TAF4: variants seen among roughly 807,000 people sequenced by gnomAD.
TAF4 encodes the protein transcription initiation factor TFIID subunit 4.
TAF4 carries 9 observed loss-of-function variants against 90.3 expected under a neutral mutation model. The observed-to-expected ratio is 0.10, with a 90% CI of 0.06 to 0.17. The LOEUF (loss-of-function observed/expected upper bound fraction) is 0.17, where lower values mean the gene tolerates loss of function less well. Among genes scored for constraint, TAF4 ranks in the 10% least tolerant of loss-of-function variants. TAF4 has a pLI of 1.00. For synonymous variants in TAF4, 818 were observed against 638.9 expected (o/e 1.28, Z -4.23); for missense variants, 1,351 against 1,370.7 (o/e 0.99, Z 0.23).
rs544070178 is a variant in TAF4 at position 62,025,096 on chromosome 20, CCTCT to C, written c.1361-10393_1361-10390del. Among the ~76,000 whole-genome samples the C allele has an allele frequency of 3.3e-4, 51 of 152,262 alleles. 1 individual carries two copies. The highest frequency in any genetic ancestry group is 3.4e-3 in the Middle Eastern group (1 of 292). On this transcript the variant is annotated intron_variant, in intron 1 of 14. Coordinates refer to ENST00000252996, the MANE Select transcript of TAF4 (RefSeq NM_003185.4). ...AGCTCCTGGGCACCACTGGTGGGAG[CCTCT>C]CTGACAACAGCCCTGCAGTTTTGTA...
At chr20:62,036,547 C>T (rs959033869) in intron 1 of TAF4, among the ~76,000 whole-genome samples, 1 of 152,158 alleles carries the variant, frequency 6.6e-6, no homozygotes, top group Non-Finnish European at 1.5e-5. Flanking sequence ...TGAACCTACA[C>T]ACCAAACTGT....
chr20:62,007,346 G>A (rs1323752345), intron 6 of TAF4, among the ~76,000 whole-genome samples: 1 of 152,192 alleles, frequency 6.6e-6, no homozygotes, highest in Non-Finnish European at 1.5e-5. Context: ...CAAGGCCACC[G>A]TGTCAGGGGA....
At chr20:62,020,239 G>C (rs1265846730) in intron 1 of TAF4, among the ~76,000 whole-genome samples, 1 of 152,202 alleles carries the variant, frequency 6.6e-6, no homozygotes, top group Non-Finnish European at 1.5e-5. Flanking sequence ...CCCTCCCAAC[G>C]CACAGGACAG....
chr20:61,991,409 G>C (rs1235378227), intron 14 of TAF4, among the ~76,000 whole-genome samples: 1 of 151,688 alleles, frequency 6.6e-6, no homozygotes, highest in Admixed American at 6.6e-5. Flanking sequence ...GGGTGACAGA[G>C]GGAGACTCTG....
At position 62,064,949 on chromosome 20, in the gene TAF4, C is replaced by A. The variant is rs1600870078; in HGVS notation, c.862G>T (p.Ala288Ser). The change falls in exon 1 of 15, where the codon GCC becomes TCC. Residue 288 changes from alanine (A) to serine (S), a missense_variant. Physicochemically the swap from Ala to Ser is moderately conservative, Grantham distance 99. Transcript: ENST00000252996. ...ATLARPPGHP[A>S]GPPTAAPAVP... ...GCGGGCGCGGCGGTCGGGGGTCCGG[C>A]GGGGTGGCCGGGCGGCCGGGCCAGA... 2.3e-6 allele frequency: 1 copy of A among 444,302 alleles called. No individual in the cohort carries two copies. The highest frequency in any genetic ancestry group is 2.8e-6 in the Non-Finnish European group (1 of 363,120). 27.5% of individuals were successfully genotyped at this position (444,302 alleles called of 1,614,324 possible). A position where few individuals can be genotyped will look rare whatever the true frequency, so the allele number is the denominator to read the frequency against.
chr20:62,063,835 C>T (rs2056104388), intron 1 of TAF4, among the ~76,000 whole-genome samples: 1 of 152,268 alleles, frequency 6.6e-6, no homozygotes, highest in South Asian at 2.1e-4. Context: ...ATGCGCCTGA[C>T]ATCTCTCCCT....
chr20:62,053,923 G>C (rs1263742833), intron 1 of TAF4, among the ~76,000 whole-genome samples: 1 of 152,250 alleles, frequency 6.6e-6, no homozygotes, highest in African/African-American at 2.4e-5. Context: ...AGGACTGCAG[G>C]GACTGACGGA....
At position 62,003,770 on chromosome 20, in the gene TAF4, T is replaced by G. The variant is rs779951601; in HGVS notation, c.2332A>C (p.Thr778Pro). The change falls in exon 8 of 15, where the codon ACC (threonine) becomes CCC (proline). Residue 778 changes from threonine to proline, a missense_variant. Transcript: ENST00000252996. ...TTCAGCTGGATCTGCTGAGGCGTGG[T>G]GAGCATGATCCGGTTGTGAGGCTGC... is the stretch of plus-strand genomic sequence containing the variant. ...LRQPHNRIML[T>P]TPQQIQLNPL... 10 of 1,607,870 alleles carry G rather than the reference T, an allele frequency of 6.2e-6. No homozygotes were observed. Among genetic ancestry groups the G allele is most frequent in the Non-Finnish European group, 7.6e-6 (9 of 1,179,346 alleles).
intron 14 of TAF4, among the ~76,000 whole-genome samples, chr20:61,985,832 A>G (rs1388273950): frequency 6.6e-6 from 1 of 151,906 alleles, no homozygotes; most frequent in African/African-American, 2.4e-5. Context: ...GGATGCAGGG[A>G]CACCCCAGGA....
At chr20:61,997,200 C>T (rs1034627807) in intron 14 of TAF4, among the ~76,000 whole-genome samples, 1 of 152,202 alleles carries the variant, frequency 6.6e-6, no homozygotes, top group African/African-American at 2.4e-5. Flanking sequence ...CATTCTCCTA[C>T]AGCAGCTTAT....
At chr20:61,987,269 G>A (rs1600827815) in intron 14 of TAF4, among the ~76,000 whole-genome samples, 1 of 152,230 alleles carries the variant, frequency 6.6e-6, no homozygotes, top group Admixed American at 6.5e-5. Flanking sequence ...GCACGTCAAG[G>A]CCATCAAAGA....
chr20:61,988,265 G>C (rs1031415517), intron 14 of TAF4, among the ~76,000 whole-genome samples: 2 of 90,828 alleles, frequency 2.2e-5, no homozygotes, highest in African/African-American at 7.2e-5. Flanking sequence ...CGCACCACCC[G>C]GCCAAGCGGG....
chr20:62,027,396 G>A (rs538118106), intron 1 of TAF4, among the ~76,000 whole-genome samples: 5 of 152,274 alleles, frequency 3.3e-5, no homozygotes, highest in Admixed American at 6.5e-5. Context: ...GTTGCAATTC[G>A]GTGACTGTTT....
At position 62,065,713 on chromosome 20, in the gene TAF4, A is replaced by G; in HGVS notation, c.98T>C (p.Leu33Pro). Residue 33 changes from leucine (L) to proline (P), a missense_variant, in exon 1 of 15, where the codon CTG (leucine) becomes CCG (proline). Around this residue, in one of 9 missense-constraint regions of TAF4, gnomAD observed 782 missense variants for 536.6 expected, o/e 1.46. Coordinates refer to ENST00000252996, the MANE Select transcript of TAF4 (RefSeq NM_003185.4). The stretch of plus-strand genomic sequence containing the variant: ...GTGGTGGTGGGCCGCGCTGGCCGCC[A>G]GCTGCGACTCCAGCGAGCCCACCAG... The part of the protein sequence containing the change: ...SDLVGSLESQ[L>P]AASAAHHHHL... 7.9e-7 allele frequency: 1 copy of G among 1,266,934 alleles called. No homozygotes were observed. Among genetic ancestry groups the G allele is most frequent in the African/African-American group, 1.6e-5 (1 of 62,150 alleles). The allele number at this position is 1,266,934 out of a possible 1,614,324, so 78.5% of individuals were successfully genotyped here.
At chr20:62,039,690 A>G (rs901641249) in intron 1 of TAF4, among the ~76,000 whole-genome samples, 43 of 152,254 alleles carry the variant, frequency 2.8e-4, no homozygotes, top group African/African-American at 1.0e-3. Context: ...AAACGCATGC[A>G]GCTAAAAGAA....
chr20:62,054,790 C>T (rs1354283466), intron 1 of TAF4, among the ~76,000 whole-genome samples: 2 of 152,256 alleles, frequency 1.3e-5, no homozygotes, highest in Middle Eastern at 3.4e-3. Flanking sequence ...ACTCTACAGG[C>T]TCATAACACC....
In TAF4 at chr20:62,065,093, T is replaced by C. The variant is rs2056119017; in HGVS notation, c.718A>G (p.Thr240Ala). The change falls in exon 1 of 15, where the codon ACG becomes GCG. Residue 240 changes from threonine (T) to alanine (A), a missense_variant. Coordinates refer to ENST00000252996, the MANE Select transcript of TAF4 (RefSeq NM_003185.4). ...KPAAPGTVIQ[T>A]PPFVGAAAPP... ...GCGGCGGCGCCCACGAAGGGGGGCG[T>C]CTGGATGACAGTGCCGGGGGCGGCG... 8 of 986,848 alleles carry C rather than the reference T, an allele frequency of 8.1e-6. No individual in the cohort carries two copies. Among genetic ancestry groups the C allele is most frequent in the East Asian group, 1.3e-4 (1 of 7,666 alleles). 61.1% of individuals were successfully genotyped at this position (986,848 alleles called of 1,614,324 possible).
intron 14 of TAF4, among the ~76,000 whole-genome samples, chr20:61,984,005 C>T (rs979776683): frequency 6.6e-6 from 1 of 152,188 alleles, no homozygotes; most frequent in African/African-American, 2.4e-5. Flanking sequence ...CACCAAACAA[C>T]ACAGCAGCCC....
chr20:62,006,315 G>T lies in TAF4; in HGVS notation c.2223+195C>A. ...CAACTCAACTATTTCATTTTACTGA[G>T]ACAAAATACAACATCCCAGGGCCTC... On this transcript the variant is annotated intron_variant, in intron 7 of 14. Transcript: ENST00000252996. This position sits in a 1 kb window ranked among gnomAD's most constrained non-coding sequence, Gnocchi z 7.0. 1.3e-6 allele frequency: 1 copy of T among 757,656 alleles called. No individual in the cohort carries two copies. The highest frequency in any genetic ancestry group is 1.8e-6 in the Non-Finnish European group (1 of 550,886). 46.9% of individuals were successfully genotyped at this position (757,656 alleles called of 1,614,324 possible).
Sources: allele counts gnomAD v4.1 joint callset (sites outside exome capture counted in the v4.1 genomes callset), GRCh38; gene constraint gnomAD v4.1.1; regional missense constraint gnomAD v4.1.1; non-coding constraint Gnocchi (gnomAD v3.1); transcripts MANE v1.5; gene names NCBI Gene and HGNC (gene_info 2026-07-23, HGNC 2026-07-21).